Variants in CSGALNACT1 observed in about 807,000 individuals in gnomAD.
CSGALNACT1 encodes the protein beta4GalNAcT-1.
CSGALNACT1 carries 52 observed loss-of-function variants against 51.0 expected under a neutral mutation model. The observed-to-expected ratio is 1.02, with a 90% CI of 0.82 to 1.29. The LOEUF (loss-of-function observed/expected upper bound fraction) is 1.29, where lower values mean the gene tolerates loss of function less well. CSGALNACT1 is among the 50% of genes most tolerant of loss of function. The pLI is 0.00. For synonymous variants in CSGALNACT1, 341 were observed against 254.4 expected, an observed-to-expected ratio of 1.34 and a Z score of -3.24; for missense variants, 935 against 679.2, an observed-to-expected ratio of 1.38 and a Z score of -4.19.
intron 3 of CSGALNACT1, among the ~76,000 whole-genome samples, chr8:19,560,026 G>C (rs182621202): frequency 6.6e-6 from 1 of 152,284 alleles, no homozygotes; most frequent in Non-Finnish European, 1.5e-5. Context: ...TGTGCTACTG[G>C]TATAGAATAG....
chr8:19,405,638 G>A, exon 10 of CSGALNACT1: 1 of 1,113,954 alleles, frequency 9.0e-7, no homozygotes, highest in Non-Finnish European at 1.3e-6. Context: ...GCCCAACAGA[G>A]AGAAATCGGA....
At chr8:19,599,484 G>GAAAGAAAGAAAGAAAGAAAA (rs2049845648) in intron 2 of CSGALNACT1, among the ~76,000 whole-genome samples, 2 of 55,992 alleles carry the variant, frequency 3.6e-5, no homozygotes, top group African/African-American at 1.9e-4. Context: ...AAGAAAGAAA[G>GAAAGAAAGAAAGAAAGAAAA]AAAGAAAGAA....
intron 4 of CSGALNACT1, among the ~76,000 whole-genome samples, chr8:19,472,123 G>T (rs762458834): frequency 2.3e-4 from 35 of 152,206 alleles, no homozygotes; most frequent in Admixed American, 1.3e-3. Flanking sequence ...CAGTCAGCAA[G>T]GGTAGAGGCA....
intron 1 of CSGALNACT1, among the ~76,000 whole-genome samples, chr8:19,613,361 C>A (rs1398064034): frequency 6.6e-6 from 1 of 152,126 alleles, no homozygotes; most frequent in African/African-American, 2.4e-5. Flanking sequence ...CATCCCTTTC[C>A]TACATCAAAC....
chr8:19,603,365 T>G (rs1300138308), upstream of CSGALNACT1, among the ~76,000 whole-genome samples: 1 of 152,190 alleles, frequency 6.6e-6, no homozygotes, highest in Admixed American at 6.5e-5. Flanking sequence ...CCCAGTTCAC[T>G]GTGGGTTTAC....
chr8:19,535,602 T>C (rs1343758985), intron 3 of CSGALNACT1, among the ~76,000 whole-genome samples: 1 of 152,162 alleles, frequency 6.6e-6, no homozygotes, highest in East Asian at 1.9e-4. Flanking sequence ...CCAATTCAGG[T>C]AGTGCTCCAA....
chr8:19,716,277 C>T (rs920613851), intron 1 of CSGALNACT1, among the ~76,000 whole-genome samples: 3 of 152,088 alleles, frequency 2.0e-5, no homozygotes, highest in Non-Finnish European at 4.4e-5. Context: ...GCCTTTGTAC[C>T]TCTCTCTGTG....
intron 1 of CSGALNACT1, among the ~76,000 whole-genome samples, chr8:19,663,375 A>T (rs555045503): frequency 6.6e-6 from 1 of 152,312 alleles, no homozygotes; most frequent in Non-Finnish European, 1.5e-5. Flanking sequence ...TCTCGCCAAA[A>T]TCTAAAAATA....
At chr8:19,717,507 T>C (rs2062875001) in intron 1 of CSGALNACT1, among the ~76,000 whole-genome samples, 1 of 152,238 alleles carries the variant, frequency 6.6e-6, no homozygotes, top group Non-Finnish European at 1.5e-5. Flanking sequence ...ATACAGGTTT[T>C]GACAAATGCA....
intron 3 of CSGALNACT1, among the ~76,000 whole-genome samples, chr8:19,515,715 T>A (rs1176760214): frequency 6.6e-6 from 1 of 151,338 alleles, no homozygotes; most frequent in Non-Finnish European, 1.5e-5. Context: ...ACTCAAGTCC[T>A]ATTTTTTTTT....
chr8:19,688,655 TGATAA>T (rs1021114402), intron 1 of CSGALNACT1: 1 of 152,228 alleles, frequency 6.6e-6, no homozygotes, highest in African/African-American at 2.4e-5. Context: ...AAGAAAAAGC[TGATAA>T]AATAGATAGG....
chr8:19,518,014 G>A (rs940275831), intron 3 of CSGALNACT1, among the ~76,000 whole-genome samples: 3 of 152,180 alleles, frequency 2.0e-5, no homozygotes, highest in African/African-American at 4.8e-5. Context: ...CAAGACTCAG[G>A]AAAGTAAGCA....
At chr8:19,418,169 T>G (rs79598094) in intron 8 of CSGALNACT1, among the ~76,000 whole-genome samples, 1 of 152,128 alleles carries the variant, frequency 6.6e-6, no homozygotes. Context: ...AACGGTGGCA[T>G]GACGGGAAGG....
intron 1 of CSGALNACT1, among the ~76,000 whole-genome samples, chr8:19,722,481 T>C (rs1241066215): frequency 6.6e-6 from 1 of 152,152 alleles, no homozygotes; most frequent in Non-Finnish European, 1.5e-5. Context: ...TCAACTCAAA[T>C]AGGTATTAGG....
At chr8:19,494,121 C>A (rs184454669) in intron 4 of CSGALNACT1, among the ~76,000 whole-genome samples, 2 of 152,154 alleles carry the variant, frequency 1.3e-5, no homozygotes, top group Non-Finnish European at 2.9e-5. Flanking sequence ...GTAATCTTGG[C>A]CCTGCTTAAT....
chr8:19,415,196 T>C (rs1279244752), intron 8 of CSGALNACT1, among the ~76,000 whole-genome samples: 1 of 152,152 alleles, frequency 6.6e-6, no homozygotes, highest in African/African-American at 2.4e-5. Context: ...GAGGAAACAC[T>C]CTCACAAATT....
At chr8:19,540,345 T>C (rs547566395) in intron 3 of CSGALNACT1, among the ~76,000 whole-genome samples, 37 of 152,310 alleles carry the variant, frequency 2.4e-4, no homozygotes, top group African/African-American at 8.9e-4. Flanking sequence ...TCTTTAGTGT[T>C]ACCTGGGTCG....
chr8:19,551,352 T>C (rs1334949636), intron 3 of CSGALNACT1, among the ~76,000 whole-genome samples: 1 of 152,114 alleles, frequency 6.6e-6, no homozygotes, highest in Non-Finnish European at 1.5e-5. Context: ...CCATGAAGCA[T>C]GTCAGGACAA....
At chr8:19,404,607 A>ATATAT (rs1554492617) in exon 10 of CSGALNACT1, 5 of 182,288 alleles carry the variant, frequency 2.7e-5, no homozygotes, top group South Asian at 1.2e-4. Context: ...GATCTTTCAC[A>ATATAT]ATATATATAT....
Sources: gnomAD v4.1 joint callset for allele counts (sites outside exome capture counted in the v4.1 genomes callset) on GRCh38, gnomAD v4.1.1 for gene constraint, MANE v1.5 for transcripts, NCBI Gene and HGNC (gene_info 2026-07-23, HGNC 2026-07-21) for gene names.